GNB1L: variants seen among roughly 807,000 people sequenced by gnomAD.
The protein encoded by GNB1L is guanine nucleotide-binding protein subunit beta-like protein 1.
A neutral mutation model predicts 29.1 loss-of-function variants in GNB1L; 20 were observed. That is an observed-to-expected ratio of 0.69 (90% CI 0.48 to 1.00). GNB1L has a LOEUF of 1.00. GNB1L is among the 50% of genes least tolerant of loss of function. The pLI, the probability that GNB1L is intolerant of heterozygous loss-of-function variation, is 0.00. For synonymous variants in GNB1L, 193 were observed against 206.5 expected, an observed-to-expected ratio of 0.93 and a Z score of 0.56; for missense variants, 421 against 464.9, an observed-to-expected ratio of 0.91 and a Z score of 0.87.
chr22:19,829,846 A>AATATAT (rs143373766), intron 2 of GNB1L, among the ~76,000 whole-genome samples: 5 of 149,664 alleles, frequency 3.3e-5, no homozygotes, highest in African/African-American at 1.2e-4. Context: ...TTAGAGGTTA[A>AATATAT]ATATATATAT....
intron 7 of GNB1L, among the ~76,000 whole-genome samples, chr22:19,800,208 C>G (rs1347561881): frequency 6.6e-6 from 1 of 152,262 alleles, no homozygotes; most frequent in East Asian, 1.9e-4. Context: ...CCATAAATTA[C>G]AGTCCTAAGT....
At chr22:19,848,114 G>C in intron 2 of GNB1L, 1 of 984,734 alleles carries the variant, frequency 1.0e-6, no homozygotes. Context: ...TATCCCATAG[G>C]ACCTTATCCT....
intron 4 of GNB1L, 71 bp downstream of exon 4, chr22:19,820,527 C>A: frequency 1.3e-6 from 2 of 1,517,648 alleles, no homozygotes; most frequent in Admixed American, 1.9e-5. Context: ...GTGGGGGACA[C>A]CAGAGCCTCC....
rs1328007560 is a variant in GNB1L at position 19,820,743 on chromosome 22, CA to C, written c.129-21del. The C allele has an allele frequency of 1.3e-6, 2 of 1,599,886 alleles. No individual in the cohort carries two copies. The highest frequency in any genetic ancestry group is 1.7e-6 in the Non-Finnish European group (2 of 1,169,354). ...TGAGACCTGTTTCAGACAAGCCGAG[CA>C]GGGTGTCAGGGGGCAGAAGGGTGTG... On this transcript the variant is annotated intron_variant, in intron 3 of 7. Transcript: ENST00000329517.
chr22:19,812,492 T>C, intron 4 of GNB1L, 45 bp from the exon 5 acceptor site: 1 of 1,561,166 alleles, frequency 6.4e-7, no homozygotes, highest in Non-Finnish European at 8.7e-7. Context: ...CCTTGACAAG[T>C]GTCAGCTCCC....
chr22:19,802,277 G>T, intron 6 of GNB1L, 61 bp from the exon 7 acceptor site: 1 of 1,384,216 alleles, frequency 7.2e-7, no homozygotes, highest in Non-Finnish European at 1.0e-6. Flanking sequence ...GAGTTTCGGG[G>T]GAGAAGGGGC....
chr22:19,821,130 C>G (rs1937575200), intron 3 of GNB1L, 98 bp downstream of exon 3: 1 of 1,279,344 alleles, frequency 7.8e-7, no homozygotes, highest in African/African-American at 1.5e-5. Flanking sequence ...GTCCATGCCC[C>G]TTGGCCAGCA....
At chr22:19,836,649 T>A (rs1180332895) in intron 2 of GNB1L, among the ~76,000 whole-genome samples, 2 of 152,202 alleles carry the variant, frequency 1.3e-5, no homozygotes, top group Non-Finnish European at 2.9e-5. Flanking sequence ...AAATAATATC[T>A]TGCTGCTTAA....
rs1311995833 is a variant in GNB1L, at chr22:19,785,893, G to A, written c.*2816C>T. On this transcript the variant is annotated 3_prime_UTR_variant, in exon 8 of 8. Coordinates refer to ENST00000329517, the MANE Select transcript of GNB1L (RefSeq NM_053004.3). The surrounding 1 kb of genome is among the most constrained non-coding windows in gnomAD (Gnocchi z 4.1). ...GGTCAGACGCATGGTGATTCATCAC[G>A]ACCCAGGTTCTGTTGACACAAAGGC... The A allele has an allele frequency of 2.6e-5, 4 of 152,276 alleles. No homozygotes were observed. The highest frequency in any genetic ancestry group is 5.9e-5 in the Non-Finnish European group (4 of 68,096). 9.4% of individuals were successfully genotyped at this position (152,276 alleles called of 1,614,324 possible).
At chr22:19,817,389 G>A (rs180955210) in intron 4 of GNB1L, among the ~76,000 whole-genome samples, 281 of 152,250 alleles carry the variant, frequency 1.8e-3, no homozygotes, top group African/African-American at 6.4e-3. Context: ...GCTGAGGCAG[G>A]AGAATCACTT....
intron 2 of GNB1L, among the ~76,000 whole-genome samples, chr22:19,841,849 C>T (rs1380752849): frequency 6.6e-6 from 1 of 152,166 alleles, no homozygotes; most frequent in Admixed American, 6.5e-5. Context: ...ACAGAAAGAG[C>T]ACTGATCTAA....
At chr22:19,832,540 AC>A (rs1274929779) in intron 2 of GNB1L, among the ~76,000 whole-genome samples, 12 of 151,982 alleles carry the variant, frequency 7.9e-5, no homozygotes, top group Non-Finnish European at 1.5e-4. Context: ...CTTGGATAAA[AC>A]TCCAAATTTC....
intron 2 of GNB1L, among the ~76,000 whole-genome samples, chr22:19,845,412 T>C (rs115571302): frequency 0.01 from 1,598 of 152,324 alleles, 30 homozygotes; most frequent in African/African-American, 0.037. Flanking sequence ...CCCAGTCCCC[T>C]GCAGTGCTCA....
At chr22:19,842,712 C>A (rs1301187094) in intron 2 of GNB1L, among the ~76,000 whole-genome samples, 3 of 152,240 alleles carry the variant, frequency 2.0e-5, no homozygotes, top group Non-Finnish European at 4.4e-5. Context: ...CACAAAGGAC[C>A]AGAAACCCTC....
chr22:19,819,829 A>T lies in GNB1L; in HGVS notation c.254+769T>A, dbSNP rs567134203. ...AACCACAGGAGACACTGCAGGGGGG[A>T]CCAGGTGGGGAGATGGCCCTCACTA... On this transcript the variant is annotated intron_variant, in intron 4 of 7. Transcript: ENST00000329517. Among the ~76,000 whole-genome samples the T allele has an allele frequency of 2.6e-5, 4 of 152,140 alleles. No homozygotes were observed. In the East Asian group the frequency reaches 7.7e-4, roughly 29 times the overall value.
chr22:19,820,430 T>C (rs2073767), intron 4 of GNB1L, among the ~76,000 whole-genome samples, 168 bp downstream of exon 4: 62,064 of 152,046 alleles, frequency 0.41, 13,549 homozygotes, highest in South Asian at 0.6. Context: ...TGCCTCCCTG[T>C]GACAAGGGGC....
chr22:19,851,064 T>A, intron 2 of GNB1L: 2 of 1,459,912 alleles, frequency 1.4e-6, no homozygotes. Flanking sequence ...GGGTCTGAAG[T>A]CATCTGGGGA....
chr22:19,805,021 C>G (rs139865766), intron 6 of GNB1L, among the ~76,000 whole-genome samples: 48 of 152,306 alleles, frequency 3.2e-4, no homozygotes, highest in African/African-American at 9.4e-4. Flanking sequence ...CTTGGAGGAG[C>G]CTTGTGTGGG....
chr22:19,823,183 G>C (rs1462465594), intron 2 of GNB1L, among the ~76,000 whole-genome samples: 1 of 152,228 alleles, frequency 6.6e-6, no homozygotes, highest in East Asian at 1.9e-4. Flanking sequence ...TAACTGCCAA[G>C]TCCCATTTTT....
Sources: allele counts gnomAD v4.1 joint callset (sites outside exome capture counted in the v4.1 genomes callset), GRCh38; gene constraint gnomAD v4.1.1; non-coding constraint Gnocchi (gnomAD v3.1); transcripts MANE v1.5; gene names NCBI Gene and HGNC (gene_info 2026-07-23, HGNC 2026-07-21).